The following KAZN variants were observed in gnomAD, a reference collection of about 807,000 sequenced individuals.
KAZN encodes kazrin, periplakin interacting protein.
A neutral mutation model predicts 87.4 loss-of-function variants in KAZN; 40 were observed. The observed-to-expected ratio is 0.46, with a 90% CI of 0.36 to 0.60. KAZN has a LOEUF of 0.60. KAZN is among the 20% of genes least tolerant of loss of function. The pLI is 0.00. For synonymous variants in KAZN, 466 were observed against 458.3 expected (o/e 1.02, Z -0.22); for missense variants, 898 against 1,073.9 (o/e 0.84, Z 2.29).
intron 1 of KAZN, among the ~76,000 whole-genome samples, chr1:14,737,233 C>A (rs1643936335): frequency 6.6e-6 from 1 of 152,036 alleles, no homozygotes; most frequent in Non-Finnish European, 1.5e-5. Flanking sequence ...GGTGCTCCAA[C>A]ATGCAAGGAG....
intron 1 of KAZN, among the ~76,000 whole-genome samples, chr1:14,890,438 C>T (rs536734045): frequency 8.6e-4 from 131 of 152,320 alleles, no homozygotes; most frequent in African/African-American, 2.9e-3. Context: ...GACAAAGAAA[C>T]TGAATCTGTC....
At chr1:14,741,077 C>T (rs115618685) in intron 1 of KAZN, among the ~76,000 whole-genome samples, 2 of 152,184 alleles carry the variant, frequency 1.3e-5, no homozygotes, top group African/African-American at 2.4e-5. Flanking sequence ...CCTTGTGCTA[C>T]CATGGAGGTC....
chr1:14,952,385 C>G (rs778279985), intron 1 of KAZN, among the ~76,000 whole-genome samples: 108 of 151,898 alleles, frequency 7.1e-4, no homozygotes, highest in Non-Finnish European at 1.3e-3. Context: ...CGGGGGCCTG[C>G]TGGAGAATAG....
intron 2 of KAZN, among the ~76,000 whole-genome samples, chr1:14,545,766 A>T (rs1673102201): frequency 6.6e-6 from 1 of 152,226 alleles, no homozygotes; most frequent in Non-Finnish European, 1.5e-5. Flanking sequence ...CAGATAAAGG[A>T]GCATCCACCT....
intron 1 of KAZN, chr1:14,929,770 T>A: frequency 1.0e-6 from 1 of 985,458 alleles, no homozygotes; most frequent in Non-Finnish European, 1.2e-6. Flanking sequence ...GTGCGTCTTA[T>A]GTTGCGGGTG....
intron 2 of KAZN, among the ~76,000 whole-genome samples, chr1:14,195,018 G>A (rs1646497585): frequency 6.6e-6 from 1 of 152,160 alleles, no homozygotes; most frequent in African/African-American, 2.4e-5. Context: ...TAAGCTGCTT[G>A]CATAGTTGGC....
intron 2 of KAZN, among the ~76,000 whole-genome samples, chr1:14,312,541 G>T (rs1001341121): frequency 2.6e-4 from 39 of 152,154 alleles, no homozygotes; most frequent in Admixed American, 1.3e-4. Context: ...ACCCAAGTTA[G>T]CCTGGTGCCT....
chr1:14,896,813 A>G (rs1286032660), intron 1 of KAZN, among the ~76,000 whole-genome samples: 1 of 152,304 alleles, frequency 6.6e-6, no homozygotes, highest in Non-Finnish European at 1.5e-5. Flanking sequence ...AGAATGTAAC[A>G]TTCTTGTAAG....
intron 1 of KAZN, among the ~76,000 whole-genome samples, chr1:14,745,968 C>G (rs1644251246): frequency 6.6e-6 from 1 of 152,120 alleles, no homozygotes; most frequent in Admixed American, 6.6e-5. Flanking sequence ...GTCTCTTGCT[C>G]TCATGGAATT....
At chr1:14,113,608 G>A (rs964798751) in intron 1 of KAZN, among the ~76,000 whole-genome samples, 2 of 152,176 alleles carry the variant, frequency 1.3e-5, no homozygotes, top group East Asian at 1.9e-4. Context: ...AAGAGGTTGA[G>A]TCACTTTCCC....
At chr1:13,978,188 G>A (rs1276393639) in intron 1 of KAZN, among the ~76,000 whole-genome samples, 4 of 150,420 alleles carry the variant, frequency 2.7e-5, no homozygotes, top group Non-Finnish European at 5.9e-5. Flanking sequence ...TATGTGCGGC[G>A]CAAGACTCAG....
chr1:14,230,074 A>G (rs914317934), intron 2 of KAZN, among the ~76,000 whole-genome samples: 1 of 152,240 alleles, frequency 6.6e-6, no homozygotes, highest in Non-Finnish European at 1.5e-5. Context: ...AACACTAGAA[A>G]TGTGGCTTGC....
At chr1:14,052,165 C>G (rs1431404115) in intron 1 of KAZN, among the ~76,000 whole-genome samples, 1 of 152,186 alleles carries the variant, frequency 6.6e-6, no homozygotes, top group Non-Finnish European at 1.5e-5. Context: ...ACCTGCTCTC[C>G]CAGGGGTCAG....
chr1:14,067,571 T>C (rs895143392), intron 1 of KAZN, among the ~76,000 whole-genome samples: 1 of 152,170 alleles, frequency 6.6e-6, no homozygotes, highest in African/African-American at 2.4e-5. Context: ...CAGTGCCTGG[T>C]GCCTCATGCT....
chr1:14,326,869 T>C (rs958881947), intron 2 of KAZN, among the ~76,000 whole-genome samples: 9 of 152,138 alleles, frequency 5.9e-5, no homozygotes, highest in Non-Finnish European at 4.4e-5. Flanking sequence ...CCACATACAA[T>C]AGTAATCACC....
chr1:15,041,567 C>A (rs1232703032), intron 3 of KAZN, among the ~76,000 whole-genome samples: 2 of 151,918 alleles, frequency 1.3e-5, no homozygotes, highest in African/African-American at 4.8e-5. Context: ...GAACTCTCGA[C>A]CTCAGGTGAT....
intron 1 of KAZN, among the ~76,000 whole-genome samples, chr1:14,710,299 C>G (rs1288338215): frequency 1.3e-5 from 2 of 152,166 alleles, no homozygotes; most frequent in Non-Finnish European, 2.9e-5. Flanking sequence ...AAAGCTGCCC[C>G]GTGCTGGTCT....
At chr1:14,965,670 T>TTC (rs1232729555) in intron 2 of KAZN, among the ~76,000 whole-genome samples, 1 of 152,220 alleles carries the variant, frequency 6.6e-6, no homozygotes, top group Non-Finnish European at 1.5e-5. Flanking sequence ...TCCACTTTTT[T>TTC]TCTCTCTCTG....
At chr1:14,633,510 G>C (rs1679734495) in intron 1 of KAZN, among the ~76,000 whole-genome samples, 1 of 152,204 alleles carries the variant, frequency 6.6e-6, no homozygotes. Context: ...AGAGCTTCTA[G>C]AAGAAACACA....
Sources: gnomAD v4.1 joint callset for allele counts (sites outside exome capture counted in the v4.1 genomes callset) on GRCh38, gnomAD v4.1.1 for gene constraint, MANE v1.5 for transcripts, NCBI Gene and HGNC (gene_info 2026-07-23, HGNC 2026-07-21) for gene names.